The following SREBF2 variants were observed in gnomAD, a reference collection of about 807,000 sequenced individuals.
SREBF2 encodes the protein sterol regulatory element-binding protein 2.
In SREBF2, 55 loss-of-function variants were observed where a neutral mutation model predicts 113.1. The observed-to-expected ratio is 0.49, with a 90% CI of 0.39 to 0.61. The LOEUF (loss-of-function observed/expected upper bound fraction) is 0.61, where lower values mean the gene tolerates loss of function less well. SREBF2 is among the 20% of genes least tolerant of loss of function. The probability of loss-of-function intolerance (pLI) is 0.00; values close to 1 mark genes in which losing one functional copy is unlikely to be tolerated. For synonymous variants in SREBF2, 593 were observed against 605.7 expected (o/e 0.98, Z 0.31); for missense variants, 1,349 against 1,487.4 (o/e 0.91, Z 1.53).
At chr22:41,866,375 C>A (rs532373448) in intron 1 of SREBF2, among the ~76,000 whole-genome samples, 2 of 152,088 alleles carry the variant, frequency 1.3e-5, no homozygotes, top group Admixed American at 6.6e-5. Context: ...TATGGTGAAA[C>A]CCTGTCTCTA....
At chr22:41,888,259 T>C (rs1272773455) in intron 11 of SREBF2, among the ~76,000 whole-genome samples, 3 of 152,240 alleles carry the variant, frequency 2.0e-5, no homozygotes, top group African/African-American at 7.2e-5. Flanking sequence ...CTAGACGCTT[T>C]ATTTTTTACT....
intron 1 of SREBF2, among the ~76,000 whole-genome samples, chr22:41,860,704 C>T (rs558486470): frequency 6.9e-4 from 105 of 152,130 alleles, no homozygotes; most frequent in Admixed American, 2.8e-3. Context: ...CATAGGGAGA[C>T]TCTGTCTCCA....
At chr22:41,881,103 C>A in intron 10 of SREBF2, 111 bp downstream of exon 10, 2 of 1,417,564 alleles carry the variant, frequency 1.4e-6, no homozygotes, top group Non-Finnish European at 1.9e-6. Flanking sequence ...TTTAACGCTA[C>A]TCTTTTAGAG....
At chr22:41,841,017 A>G (rs555452956) in intron 1 of SREBF2, among the ~76,000 whole-genome samples, 3 of 152,320 alleles carry the variant, frequency 2.0e-5, no homozygotes, top group Admixed American at 1.3e-4. Context: ...CTGGCACTGA[A>G]TAGGCACTCT....
chr22:41,861,388 C>T (rs542636446), intron 1 of SREBF2, among the ~76,000 whole-genome samples: 14 of 151,714 alleles, frequency 9.2e-5, no homozygotes, highest in South Asian at 2.1e-4. Flanking sequence ...GGGATTACAC[C>T]GGGAGGCTGA....
At chr22:41,836,870 A>G (rs2076781087) in intron 1 of SREBF2, among the ~76,000 whole-genome samples, 1 of 152,144 alleles carries the variant, frequency 6.6e-6, no homozygotes, top group African/African-American at 2.4e-5. Context: ...GAGAGCCTCC[A>G]GGAGGTGCAG....
chr22:41,872,925 T>C (rs1602311946), intron 4 of SREBF2, among the ~76,000 whole-genome samples: 2 of 144,508 alleles, frequency 1.4e-5, no homozygotes, highest in Non-Finnish European at 3.0e-5. Flanking sequence ...AAACAGGACG[T>C]GGTGGCTCAC....
chr22:41,905,707 C>CT lies in SREBF2; in HGVS notation c.*48dup. On this transcript the variant is annotated 3_prime_UTR_variant, in exon 19 of 19. Coordinates refer to ENST00000361204, the MANE Select transcript of SREBF2 (RefSeq NM_004599.4). ...TCCACCTCTCTCTCGATTTCTCTCT[C>CT]TCCCCCTCAGCATCTTCCCGCTGAG... 6.6e-7 allele frequency: 1 copy of CT among 1,525,068 alleles called. No individual in the cohort carries two copies. The highest frequency in any genetic ancestry group is 8.9e-7 in the Non-Finnish European group (1 of 1,123,540). 94.5% of individuals were successfully genotyped at this position (1,525,068 alleles called of 1,614,324 possible).
In SREBF2 at chr22:41,877,365, A is replaced by G; in HGVS notation, c.1523A>G (p.Asp508Gly). ...CTGCTGCAGTGGGGAGGGGCCCACG[A>G]CTCTGACCAGCACCCACACTCAGGC... ...TSLLQWGGAH[D>G]SDQHPHSGSG... Residue 508 changes from aspartate to glycine, a missense_variant, in exon 8 of 19, where the codon GAC becomes GGC. Around this residue, in one of 2 missense-constraint regions of SREBF2, gnomAD observed 699 missense variants for 843.3 expected, o/e 0.83. Transcript: ENST00000361204. The G allele has an allele frequency of 6.2e-7, 1 of 1,613,902 alleles. No individual in the cohort carries two copies. Among genetic ancestry groups the G allele is most frequent in the Non-Finnish European group, 8.5e-7 (1 of 1,179,954 alleles).
chr22:41,877,800 T>C, intron 8 of SREBF2, 142 bp from the exon 9 acceptor site: 3 of 927,646 alleles, frequency 3.2e-6, no homozygotes, highest in Non-Finnish European at 3.5e-6. Flanking sequence ...TCATTAGCCC[T>C]GTTTAGATTA....
At position 41,833,906 on chromosome 22, in the gene SREBF2, T is replaced by C. The variant is rs2076742893; in HGVS notation, c.88+548T>C. On this transcript the variant is annotated intron_variant, in intron 1 of 18. Transcript: ENST00000361204. This position sits in a 1 kb window ranked among gnomAD's most constrained non-coding sequence, Gnocchi z 4.1. ...GGCAGCGACTGCAGAAGCAAGTTGC[T>C]GATGAAGAGAGCAGTGGCGGCGGAG... The C allele has an allele frequency of 6.5e-6, 1 of 152,906 alleles. No individual in the cohort carries two copies. The highest frequency in any genetic ancestry group is 2.4e-5 in the African/African-American group (1 of 41,474). The allele number at this position is 152,906 out of a possible 1,614,324, so 9.5% of individuals were successfully genotyped here.
intron 1 of SREBF2, among the ~76,000 whole-genome samples, chr22:41,841,786 C>A (rs1033708716): frequency 6.6e-6 from 1 of 152,208 alleles, no homozygotes; most frequent in Non-Finnish European, 1.5e-5. Flanking sequence ...TGCTTATCTG[C>A]GTACATATCA....
chr22:41,896,855 C>T (rs1315096739), intron 13 of SREBF2, among the ~76,000 whole-genome samples, 197 bp from the exon 14 acceptor site: 1 of 152,064 alleles, frequency 6.6e-6, no homozygotes, highest in African/African-American at 2.4e-5. Context: ...GTGTCAGTGA[C>T]AGCCCAGAGA....
In SREBF2 at chr22:41,873,994, A is replaced by G. The variant is rs1239807521; in HGVS notation, c.1064A>G (p.Asp355Gly). ...AATGACAAAATCATCGAATTGAAAG[A>G]CCTGGTCATGGGGACAGACGCCAAG... The part of the protein sequence containing the change: ...SINDKIIELK[D>G]LVMGTDAKMH... Residue 355 changes from aspartate to glycine, a missense_variant, in exon 5 of 19, where the codon GAC becomes GGC. Coordinates refer to ENST00000361204, the MANE Select transcript of SREBF2 (RefSeq NM_004599.4). 2.5e-6 allele frequency: 4 copies of G among 1,614,042 alleles called. No individual in the cohort carries two copies. In the East Asian group the frequency reaches 8.9e-5, roughly 36 times the overall value.
At chr22:41,869,392 C>T (rs1193777762) in intron 3 of SREBF2, among the ~76,000 whole-genome samples, 1 of 111,298 alleles carries the variant, frequency 9.0e-6, no homozygotes, top group Non-Finnish European at 1.7e-5. Context: ...CTGCCCTTGG[C>T]TTTCATAGTT....
At chr22:41,876,663 T>A (rs916046441) in intron 7 of SREBF2, among the ~76,000 whole-genome samples, 1 of 152,218 alleles carries the variant, frequency 6.6e-6, no homozygotes, top group Non-Finnish European at 1.5e-5. Flanking sequence ...TCACACTAAA[T>A]ACGGTCTTTG....
At chr22:41,870,678 C>G (rs1399577857) in intron 3 of SREBF2, among the ~76,000 whole-genome samples, 3 of 148,976 alleles carry the variant, frequency 2.0e-5, no homozygotes, top group Non-Finnish European at 4.5e-5. Context: ...GCTAGCCCCT[C>G]TTTCTCCACC....
At position 41,905,577 on chromosome 22, in the gene SREBF2, A is replaced by G; in HGVS notation, c.3343A>G (p.Lys1115Glu). ...GGCCGAAGCTGCCCGCACCCTGGAG[A>G]AGGTGGGCGACCGGCGCTCCTGCAA... is the stretch of plus-strand genomic sequence containing the variant. Reference protein sequence around the residue: ...LLAEAARTLEKVGDRRSCNDC... With the variant: ...LLAEAARTLEEVGDRRSCNDC... Residue 1115 changes from lysine (K) to glutamate (E), a missense_variant, in exon 19 of 19, where the codon AAG becomes GAG. Lys to Glu is a moderately conservative substitution (Grantham distance 56). Around this residue, in one of 2 missense-constraint regions of SREBF2, gnomAD observed 650 missense variants for 644.1 expected, o/e 1.01. Coordinates refer to ENST00000361204, the MANE Select transcript of SREBF2 (RefSeq NM_004599.4). 6.3e-7 allele frequency: 1 copy of G among 1,598,188 alleles called. No homozygotes were observed. The highest frequency in any genetic ancestry group is 8.5e-7 in the Non-Finnish European group (1 of 1,173,320).
intron 11 of SREBF2, chr22:41,885,750 C>T (rs1160325397): frequency 6.4e-6 from 1 of 155,070 alleles, no homozygotes; most frequent in African/African-American, 2.4e-5. Context: ...CTGCTGAATA[C>T]ATCAGGTATG....
Sources: gnomAD v4.1 joint callset for allele counts (sites outside exome capture counted in the v4.1 genomes callset) on GRCh38, gnomAD v4.1.1 for gene constraint, gnomAD v4.1.1 regional missense constraint, Gnocchi (gnomAD v3.1) non-coding constraint, MANE v1.5 for transcripts, NCBI Gene and HGNC (gene_info 2026-07-23, HGNC 2026-07-21) for gene names.